The following ADAM22 variants were observed in gnomAD, a reference collection of about 807,000 sequenced individuals.
ADAM22 encodes the protein ADAM metallopeptidase domain 22.
Under a neutral mutation model 144.6 loss-of-function variants are expected in ADAM22, and 65 were observed. The ratio of observed to expected loss-of-function variants is 0.45; its 90% CI spans 0.37 to 0.55. The LOEUF (loss-of-function observed/expected upper bound fraction) is 0.55, where lower values mean the gene tolerates loss of function less well. Ranked by LOEUF, ADAM22 falls within the 20% of genes least tolerant of loss-of-function variation. The pLI, the probability that ADAM22 is intolerant of heterozygous loss-of-function variation, is 0.00. For synonymous variants in ADAM22, 391 were observed against 412.6 expected, an observed-to-expected ratio of 0.95 and a Z score of 0.63; for missense variants, 974 against 1,184.9, an observed-to-expected ratio of 0.82 and a Z score of 2.61.
chr7:88,054,703 C>T (rs529408234), intron 3 of ADAM22, among the ~76,000 whole-genome samples: 84 of 150,766 alleles, frequency 5.6e-4, no homozygotes, highest in Non-Finnish European at 1.0e-3. Context: ...GAATTGTGTT[C>T]GTGGGTTCTT....
chr7:88,054,793 T>G (rs1326854177), intron 3 of ADAM22, among the ~76,000 whole-genome samples: 1 of 152,174 alleles, frequency 6.6e-6, no homozygotes, highest in African/African-American at 2.4e-5. Flanking sequence ...TCAGTAAATA[T>G]GTTTTTGGAT....
At chr7:88,004,322 T>G (rs1793288000) in intron 3 of ADAM22, among the ~76,000 whole-genome samples, 1 of 152,246 alleles carries the variant, frequency 6.6e-6, no homozygotes, top group African/African-American at 2.4e-5. Context: ...TAGCATCTTT[T>G]GGACCATAGT....
intron 30 of ADAM22, among the ~76,000 whole-genome samples, chr7:88,189,315 C>G (rs1264275440): frequency 6.6e-6 from 1 of 152,194 alleles, no homozygotes; most frequent in East Asian, 1.9e-4. Flanking sequence ...CCATTGATTA[C>G]TCACTTCATC....
intron 3 of ADAM22, among the ~76,000 whole-genome samples, chr7:88,049,046 A>C (rs551846179): frequency 1.3e-4 from 20 of 152,318 alleles, no homozygotes; most frequent in South Asian, 8.3e-4. Context: ...ACTTTATTTT[A>C]AATAATTGAT....
At position 88,155,893 on chromosome 7, in the gene ADAM22, G is replaced by A. The variant is rs763603228; in HGVS notation, c.1794G>A (p.Val598=). 1.9e-5 allele frequency: 30 copies of A among 1,613,128 alleles called. No homozygotes were observed. Among genetic ancestry groups the A allele is most frequent in the Non-Finnish European group, 2.5e-5 (30 of 1,179,448 alleles). Residue 598 remains valine (V), a synonymous_variant, in exon 22 of 32, where the codon GTG becomes GTA. Transcript: ENST00000413139. ...TGGTAATCTTTTGATACAGGGATGT[G>A]CTTTGTGGTTACCTTTTGTGTACCA... is the stretch of plus-strand genomic sequence containing the variant. ...DTWIQCNKRD[V]LCGYLLCTNI...
intron 22 of ADAM22, among the ~76,000 whole-genome samples, chr7:88,161,714 G>C (rs118119376): frequency 6.6e-6 from 1 of 151,920 alleles, no homozygotes; most frequent in Non-Finnish European, 1.5e-5. Context: ...AAAAAAGATC[G>C]ATATCACTGA....
intron 26 of ADAM22, among the ~76,000 whole-genome samples, chr7:88,172,517 TGTG>T (rs1844591746): frequency 2.0e-5 from 3 of 152,086 alleles, no homozygotes; most frequent in Non-Finnish European, 4.4e-5. Context: ...GGTGTATAAA[TGTG>T]GTAATTTGTC....
chr7:88,039,355 A>C (rs1429933958), intron 3 of ADAM22, among the ~76,000 whole-genome samples: 4 of 148,804 alleles, frequency 2.7e-5, no homozygotes, highest in Non-Finnish European at 1.5e-5. Context: ...AGGCAGGAGA[A>C]TCACTTGAAC....
chr7:88,167,144 C>T (rs1843143949), intron 24 of ADAM22, among the ~76,000 whole-genome samples: 2 of 152,260 alleles, frequency 1.3e-5, no homozygotes, highest in Non-Finnish European at 2.9e-5. Flanking sequence ...TGACTCCTGA[C>T]CTCTGATGTA....
chr7:88,068,045 T>G (rs1368997992), intron 3 of ADAM22, among the ~76,000 whole-genome samples: 1 of 152,092 alleles, frequency 6.6e-6, no homozygotes, highest in East Asian at 1.9e-4. Flanking sequence ...ATGCTGAGGG[T>G]ATAGATAACA....
chr7:88,192,482 A>T (rs147610153), intron 30 of ADAM22, among the ~76,000 whole-genome samples: 7 of 152,302 alleles, frequency 4.6e-5, no homozygotes, highest in African/African-American at 1.7e-4. Context: ...GATTGTAGGG[A>T]CTAATTAGAC....
At chr7:88,026,402 G>T (rs1327340596) in intron 3 of ADAM22, among the ~76,000 whole-genome samples, 1 of 152,160 alleles carries the variant, frequency 6.6e-6, no homozygotes, top group Non-Finnish European at 1.5e-5. Flanking sequence ...ATGAAAACAG[G>T]ACTGAAGGGG....
intron 3 of ADAM22, among the ~76,000 whole-genome samples, chr7:88,035,570 A>T (rs567710713): frequency 5.9e-5 from 9 of 152,340 alleles, no homozygotes; most frequent in Non-Finnish European, 1.0e-4. Context: ...GTATTTTTTT[A>T]AAAATTGGAT....
At chr7:88,090,950 CT>C (rs1428375969) in intron 4 of ADAM22, among the ~76,000 whole-genome samples, 2 of 152,098 alleles carry the variant, frequency 1.3e-5, no homozygotes, top group African/African-American at 2.4e-5. Flanking sequence ...TTAATTTTCT[CT>C]GTTACTCGTT....
chr7:88,134,986 C>T (rs1183593363), intron 13 of ADAM22, among the ~76,000 whole-genome samples: 1 of 151,882 alleles, frequency 6.6e-6, no homozygotes, highest in Non-Finnish European at 1.5e-5. Context: ...ATTTCAGTAA[C>T]AAACATCATA....
intron 3 of ADAM22, among the ~76,000 whole-genome samples, chr7:88,047,318 C>T (rs551523754): frequency 6.6e-6 from 1 of 152,258 alleles, no homozygotes; most frequent in Admixed American, 6.5e-5. Flanking sequence ...TGAAATGTTC[C>T]TCTATGCCTC....
intron 13 of ADAM22, among the ~76,000 whole-genome samples, chr7:88,134,958 T>G (rs1378425605): frequency 6.6e-6 from 1 of 152,080 alleles, no homozygotes; most frequent in African/African-American, 2.4e-5. Flanking sequence ...CCTTAAAAAT[T>G]TGATTATTTC....
chr7:87,968,213 G>A (rs923645056), intron 2 of ADAM22, among the ~76,000 whole-genome samples: 1 of 152,152 alleles, frequency 6.6e-6, no homozygotes, highest in Non-Finnish European at 1.5e-5. Flanking sequence ...TCAAGATAAG[G>A]AGGGCATTTC....
At chr7:87,966,326 G>C (rs1353319235) in intron 2 of ADAM22, among the ~76,000 whole-genome samples, 2 of 152,148 alleles carry the variant, frequency 1.3e-5, no homozygotes, top group African/African-American at 4.8e-5. Flanking sequence ...ATACTATATT[G>C]TGTTGTTCTC....
Sources: gnomAD v4.1 joint callset for allele counts (sites outside exome capture counted in the v4.1 genomes callset) on GRCh38, gnomAD v4.1.1 for gene constraint, MANE v1.5 for transcripts, NCBI Gene and HGNC (gene_info 2026-07-23, HGNC 2026-07-21) for gene names.